NFIX: variants seen among roughly 807,000 people sequenced by gnomAD.
NFIX encodes the protein nuclear factor 1 X-type.
Under a neutral mutation model 53.3 loss-of-function variants are expected in NFIX, and 2 were observed. The ratio of observed to expected loss-of-function variants is 0.04; its 90% CI spans 0.02 to 0.12. The LOEUF (loss-of-function observed/expected upper bound fraction) is 0.12. Ranked by LOEUF, NFIX falls within the 10% of genes least tolerant of loss-of-function variation. The probability of loss-of-function intolerance (pLI) is 1.00; values close to 1 mark genes in which losing one functional copy is unlikely to be tolerated. For missense variants in NFIX, 310 were observed against 674.5 expected, an observed-to-expected ratio of 0.46 and a Z score of 5.99; for synonymous variants, 244 against 289.0, an observed-to-expected ratio of 0.84 and a Z score of 1.58.
chr19:13,026,366 G>A (rs1297117091), intron 2 of NFIX, among the ~76,000 whole-genome samples: 13 of 147,982 alleles, frequency 8.8e-5, no homozygotes, highest in African/African-American at 3.2e-4. Context: ...TCTTAAACAA[G>A]CAAACAAACA....
intron 2 of NFIX, among the ~76,000 whole-genome samples, chr19:13,034,470 T>G (rs2014038552): frequency 6.6e-6 from 1 of 152,164 alleles, no homozygotes; most frequent in Admixed American, 6.5e-5. Context: ...CTTCTTTTCA[T>G]ATCTCCCTGG....
At chr19:13,024,167 T>C in intron 1 of NFIX, 3 of 716,568 alleles carry the variant, frequency 4.2e-6, no homozygotes, top group Non-Finnish European at 6.8e-6. Context: ...TTCTGTCACC[T>C]GACTGAGTGG....
intron 1 of NFIX, among the ~76,000 whole-genome samples, chr19:12,999,600 C>T (rs983453146): frequency 2.0e-5 from 3 of 152,254 alleles, no homozygotes; most frequent in African/African-American, 7.2e-5. Context: ...CACACAAAGA[C>T]ATACATGGCC....
intron 8 of NFIX, among the ~76,000 whole-genome samples, chr19:13,085,899 G>C (rs2017750827): frequency 6.6e-6 from 1 of 152,244 alleles, no homozygotes. Flanking sequence ...AGTGCTGCAT[G>C]CTTCTGCCGA....
chr19:13,067,974 A>G lies in NFIX; in HGVS notation c.560-5073A>G, dbSNP rs2016527686. On this transcript the variant is annotated intron_variant, in intron 2 of 10. Transcript: ENST00000592199. This position sits in a 1 kb window ranked among gnomAD's most constrained non-coding sequence, Gnocchi z 4.2. ...CAAAAAATTAGCTGGTCCTGGTGAC[A>G]GGTGCCTGTAGTTCCCAGTACTCGG... Among the ~76,000 whole-genome samples the G allele has an allele frequency of 6.6e-6, 1 of 151,908 alleles. No homozygotes were observed. The highest frequency in any genetic ancestry group is 1.5e-5 in the Non-Finnish European group (1 of 67,964).
At chr19:13,085,431 C>G (rs527870179) in intron 8 of NFIX, among the ~76,000 whole-genome samples, 1 of 152,172 alleles carries the variant, frequency 6.6e-6, no homozygotes, top group Non-Finnish European at 1.5e-5. Flanking sequence ...AGCCTGAGCT[C>G]GGGACACCTG....
At chr19:13,054,039 C>T (rs1232340750) in intron 2 of NFIX, among the ~76,000 whole-genome samples, 3 of 152,080 alleles carry the variant, frequency 2.0e-5, no homozygotes, top group Non-Finnish European at 2.9e-5. Context: ...ATCCCAGCTT[C>T]GTGGTCAGCT....
chr19:13,080,819 T>C (rs1024423449), intron 7 of NFIX, among the ~76,000 whole-genome samples: 2 of 149,824 alleles, frequency 1.3e-5, no homozygotes, highest in Non-Finnish European at 3.0e-5. Context: ...GCTAACACGG[T>C]GAAACCCTGT....
intron 2 of NFIX, among the ~76,000 whole-genome samples, chr19:13,042,504 G>A (rs904666220): frequency 2.0e-4 from 30 of 151,626 alleles, no homozygotes; most frequent in African/African-American, 6.3e-4. Flanking sequence ...ACAGGTGTGC[G>A]CCACCACACC....
rs1331486749 is a variant in NFIX, at chr19:13,081,409, A to G, written c.1079-271A>G. On this transcript the variant is annotated intron_variant, in intron 7 of 10. Transcript: ENST00000592199. The surrounding 1 kb of genome is among the most constrained non-coding windows in gnomAD (Gnocchi z 4.7). The stretch of plus-strand genomic sequence containing the variant: ...ATCTCCCAGCGCTGGTTGTGATCAA[A>G]CTTTATTTACAAAAACAAATGGCTG... 1.3e-5 allele frequency among the ~76,000 whole-genome samples: 2 copies of G among 152,074 alleles called. No homozygotes were observed. Among genetic ancestry groups the G allele is most frequent in the Non-Finnish European group, 2.9e-5 (2 of 68,010 alleles).
At position 13,012,856 on chromosome 19, in the gene NFIX, G is replaced by T. The variant is rs2012438902; in HGVS notation, c.28-12165G>T. On this transcript the variant is annotated intron_variant, in intron 1 of 10. Transcript: ENST00000592199. This position sits in a 1 kb window ranked among gnomAD's most constrained non-coding sequence, Gnocchi z 5.0. The stretch of plus-strand genomic sequence containing the variant: ...TCTCTAGACTACCCCGGTTTCCGAG[G>T]AGCCTCACCTTCAATCCCCGAGCCT... 6.6e-6 allele frequency among the ~76,000 whole-genome samples: 1 copy of T among 152,100 alleles called. No individual in the cohort carries two copies. Among genetic ancestry groups the T allele is most frequent in the Non-Finnish European group, 1.5e-5 (1 of 68,022 alleles).
Position 13,068,116 on chromosome 19 carries a change from A to G in NFIX, c.560-4931A>G, listed in dbSNP as rs892770572. 2.6e-5 allele frequency among the ~76,000 whole-genome samples: 4 copies of G among 151,764 alleles called. No individual in the cohort carries two copies. Among genetic ancestry groups the G allele is most frequent in the Admixed American group, 6.5e-5 (1 of 15,268 alleles). On this transcript the variant is annotated intron_variant, in intron 2 of 10. Coordinates refer to ENST00000592199, the MANE Select transcript of NFIX (RefSeq NM_001365902.3). The surrounding 1 kb of genome is among the most constrained non-coding windows in gnomAD (Gnocchi z 4.2). ...CAAGACTCCATCTCAAAAAAAAAAC[A>G]AAAACAAAAACAAAAAACAAAAACA...
At position 13,006,337 on chromosome 19, in the gene NFIX, A is replaced by G. The variant is rs1295005215; in HGVS notation, c.27+10473A>G. 6.6e-6 allele frequency among the ~76,000 whole-genome samples: 1 copy of G among 152,228 alleles called. No homozygotes were observed. The highest frequency in any genetic ancestry group is 1.5e-5 in the Non-Finnish European group (1 of 68,026). The stretch of plus-strand genomic sequence containing the variant: ...ACTGGAGGTCAAGGGTGTGTGGCTC[A>G]GCATGGCATGCCCATCATTTGCCCA... On this transcript the variant is annotated intron_variant, in intron 1 of 10. Transcript: ENST00000592199. This position sits in a 1 kb window ranked among gnomAD's most constrained non-coding sequence, Gnocchi z 5.6.
At chr19:13,029,254 T>G (rs1240369062) in intron 2 of NFIX, among the ~76,000 whole-genome samples, 1 of 152,202 alleles carries the variant, frequency 6.6e-6, no homozygotes, top group Non-Finnish European at 1.5e-5. Flanking sequence ...AATGTTTTTG[T>G]GCACATCTCT....
intron 1 of NFIX, among the ~76,000 whole-genome samples, chr19:13,010,587 C>T (rs2012284973): frequency 1.3e-5 from 2 of 152,244 alleles, no homozygotes; most frequent in African/African-American, 2.4e-5. Context: ...CATGGGGGTC[C>T]CTAACACAAG....
chr19:13,019,172 A>G (rs917687445), intron 1 of NFIX, among the ~76,000 whole-genome samples: 34 of 151,972 alleles, frequency 2.2e-4, no homozygotes, highest in African/African-American at 7.3e-4. Flanking sequence ...GTCTTAAAAT[A>G]TACAACTTCT....
At chr19:13,047,734 C>G (rs2015077476) in intron 2 of NFIX, among the ~76,000 whole-genome samples, 1 of 152,134 alleles carries the variant, frequency 6.6e-6, no homozygotes, top group African/African-American at 2.4e-5. Flanking sequence ...TACTTTGGGT[C>G]AAGAACCTGA....
rs1937839235 is a variant in NFIX, at chr19:13,051,068, G to A, written c.560-21979G>A. ...GGTAATGACTTGGCAGTGGAGGGAG[G>A]AGGGTGCATACCTCCAGGAGGATAG... is the stretch of plus-strand genomic sequence containing the variant. On this transcript the variant is annotated intron_variant, in intron 2 of 10. Coordinates refer to ENST00000592199, the MANE Select transcript of NFIX (RefSeq NM_001365902.3). The surrounding 1 kb of genome is among the most constrained non-coding windows in gnomAD (Gnocchi z 5.1). Among the ~76,000 whole-genome samples, 2 of 152,190 alleles carry A rather than the reference G, an allele frequency of 1.3e-5. No individual in the cohort carries two copies. Among genetic ancestry groups the A allele is most frequent in the Non-Finnish European group, 2.9e-5 (2 of 67,996 alleles).
intron 2 of NFIX, among the ~76,000 whole-genome samples, chr19:13,061,379 T>C (rs2016077334): frequency 6.6e-6 from 1 of 152,222 alleles, no homozygotes; most frequent in Non-Finnish European, 1.5e-5. Flanking sequence ...CCTTCCTTGG[T>C]GCATAAACCA....
Sources: allele counts gnomAD v4.1 joint callset (sites outside exome capture counted in the v4.1 genomes callset), GRCh38; gene constraint gnomAD v4.1.1; non-coding constraint Gnocchi (gnomAD v3.1); transcripts MANE v1.5; gene names NCBI Gene and HGNC (gene_info 2026-07-23, HGNC 2026-07-21).